The following A2ML1 variants were observed in gnomAD, a reference collection of about 807,000 sequenced individuals.
A2ML1 encodes the protein alpha-2-macroglobulin like 1.
In A2ML1, 161 loss-of-function variants were observed where a neutral mutation model predicts 181.9. The ratio of observed to expected loss-of-function variants is 0.89; its 90% CI spans 0.78 to 1.01. A2ML1 has a LOEUF of 1.01. Among genes scored for constraint, A2ML1 ranks in the 50% least tolerant of loss-of-function variants. The pLI is 0.00. For missense variants in A2ML1, 1,670 were observed against 1,768.1 expected (o/e 0.94, Z 1.00); for synonymous variants, 663 against 666.8 (o/e 0.99, Z 0.09).
Position 8,829,763 on chromosome 12 carries a change from T to C in A2ML1, c.446T>C (p.Val149Ala). ...FRIVTMDSNFVPVNDKYSMVE... is the reference protein window; with the variant it reads ...FRIVTMDSNFAPVNDKYSMVE... The stretch of plus-strand genomic sequence containing the variant: ...ATTGTCACCATGGATAGCAACTTCG[T>C]TCCAGTGAATGACAAGGTGAGTTGG... The change falls in exon 4 of 36, where the codon GTT becomes GCT. Residue 149 changes from valine (V) to alanine (A), a missense_variant. Transcript: ENST00000299698. 6.2e-7 allele frequency: 1 copy of C among 1,613,918 alleles called. No individual in the cohort carries two copies. The highest frequency in any genetic ancestry group is 8.5e-7 in the Non-Finnish European group (1 of 1,179,986).
chr12:8,883,384 AAT>A (rs1404697436), intron 7 of A2ML1, among the ~76,000 whole-genome samples: 1 of 152,214 alleles, frequency 6.6e-6, no homozygotes, highest in Non-Finnish European at 1.5e-5. Context: ...ACCTTCTCAG[AAT>A]CGCTTGCAGT....
chr12:8,863,953 T>C lies in A2ML1; in HGVS notation c.3662T>C (p.Ile1221Thr), dbSNP rs766056517. 2.5e-6 allele frequency: 4 copies of C among 1,613,272 alleles called. No individual in the cohort carries two copies. Among genetic ancestry groups the C allele is most frequent in the Non-Finnish European group, 3.4e-6 (4 of 1,179,702 alleles). ...TQKEIAKATS[I>T]VAWLAKQHNA... is the part of the protein sequence containing the mutation. ...AAGGAGATAGCGAAGGCCACTAGCA[T>C]AGTGGCTTGGTTGGCCAAGCAACAC... The change falls in exon 29 of 36, where the codon ATA becomes ACA. Residue 1221 changes from isoleucine (I) to threonine (T), a missense_variant. By Grantham distance (89) the Ile-to-Thr change is moderately conservative (BLOSUM62 -1). Coordinates refer to ENST00000299698, the MANE Select transcript of A2ML1 (RefSeq NM_144670.6).
chr12:8,854,686 G>A (rs936748264), intron 21 of A2ML1, 94 bp from the exon 22 acceptor site: 2 of 1,366,752 alleles, frequency 1.5e-6, no homozygotes, highest in South Asian at 1.2e-5. Context: ...GAAGCCCTGG[G>A]GGCACAGCGA....
intron 7 of A2ML1, among the ~76,000 whole-genome samples, chr12:8,882,269 C>G (rs149317602): frequency 1.4e-3 from 207 of 152,292 alleles, no homozygotes; most frequent in Middle Eastern, 3.4e-3. Flanking sequence ...AACCCAGGAT[C>G]TCACCAATAT....
At chr12:8,874,578 A>G (rs780450037) in intron 34 of A2ML1, 51 bp downstream of exon 34, 3 of 1,401,332 alleles carry the variant, frequency 2.1e-6, no homozygotes, top group East Asian at 2.3e-5. Context: ...GCATCTCCCA[A>G]CTTACTTCTG....
intron 28 of A2ML1, 30 bp from the exon 29 acceptor site, chr12:8,863,764 G>T (rs754962298): frequency 6.2e-7 from 1 of 1,609,384 alleles, no homozygotes; most frequent in Non-Finnish European, 8.5e-7. Flanking sequence ...TCCTTCTAAG[G>T]ACATCCTAGT....
rs889804273 is a variant in A2ML1 at position 8,838,421 on chromosome 12, T to C, written c.941T>C (p.Ile314Thr). Residue 314 changes from isoleucine (I) to threonine (T), a missense_variant, in exon 9 of 36, where the codon ATT becomes ACT. Ile to Thr is a moderately conservative substitution (Grantham distance 89). Coordinates refer to ENST00000299698, the MANE Select transcript of A2ML1 (RefSeq NM_144670.6). ...IGYAYSHQIN[I>T]VATVVEEGTG... ...TATGCGTACAGCCATCAAATCAATA[T>C]TGTGGCTACTGTTGTGGAGGAAGGG... is the stretch of plus-strand genomic sequence containing the variant. 1.5e-5 allele frequency: 24 copies of C among 1,613,818 alleles called. No individual in the cohort carries two copies. Among genetic ancestry groups the C allele is most frequent in the Non-Finnish European group, 2.0e-5 (24 of 1,179,866 alleles).
intron 30 of A2ML1, 51 bp downstream of exon 30, chr12:8,868,108 A>T: frequency 1.2e-6 from 2 of 1,608,504 alleles, no homozygotes; most frequent in Non-Finnish European, 8.5e-7. Context: ...AGAGTCGGAG[A>T]GCATCTTCCC....
intron 25 of A2ML1, 64 bp from the exon 26 acceptor site, chr12:8,857,882 G>A: frequency 1.3e-6 from 2 of 1,581,816 alleles, no homozygotes; most frequent in Non-Finnish European, 1.7e-6. Flanking sequence ...AATAAATGAA[G>A]AAATGATTGC....
intron 18 of A2ML1, 140 bp downstream of exon 18, chr12:8,850,414 G>A: frequency 2.0e-6 from 1 of 497,122 alleles, no homozygotes; most frequent in Non-Finnish European, 3.4e-6. Context: ...ATGAGCTTCT[G>A]TCTCTACAAA....
chr12:8,839,746 T>G (rs2136790496), intron 10 of A2ML1, among the ~76,000 whole-genome samples: 1 of 152,238 alleles, frequency 6.6e-6, no homozygotes, highest in East Asian at 1.9e-4. Context: ...TTTCTGTTTT[T>G]GTTTTGTTTT....
Position 8,846,218 on chromosome 12 carries a change from A to C in A2ML1, c.1679A>C (p.Asn560Thr), listed in dbSNP as rs751671669. Residue 560 changes from asparagine (N) to threonine (T), a missense_variant, in exon 14 of 36, where the codon AAT (asparagine) becomes ACT (threonine). Physicochemically the swap from Asn to Thr is moderately conservative, Grantham distance 65. Transcript: ENST00000299698. ...TTCTCAGTCGAGATGTGCTTTGACAATCAGGTAAAATGATAGCGGAGAAGG... is the reference window on the plus strand; with the variant it reads ...TTCTCAGTCGAGATGTGCTTTGACACTCAGGTAAAATGATAGCGGAGAAGG... ...IQFSVEMCFD[N>T]QVSLGFSPSQ... The C allele has an allele frequency of 7.4e-6, 12 of 1,614,168 alleles. No homozygotes were observed. Among genetic ancestry groups the C allele is most frequent in the Non-Finnish European group, 1.0e-5 (12 of 1,180,004 alleles).
intron 21 of A2ML1, 121 bp from the exon 22 acceptor site, chr12:8,854,659 T>A (rs1013029405): frequency 9.8e-7 from 1 of 1,016,814 alleles, no homozygotes. Context: ...GAGAAGCTCT[T>A]GTCTGCAGTT....
At chr12:8,838,560 G>C in intron 9 of A2ML1, 110 bp downstream of exon 9, 1 of 715,716 alleles carries the variant, frequency 1.4e-6, no homozygotes, top group Non-Finnish European at 2.2e-6. Flanking sequence ...TGTTTGGATG[G>C]TACCTTGTTC....
chr12:8,866,036 G>A lies in A2ML1; in HGVS notation c.3718-1806G>A, dbSNP rs114260264. 2.3e-3 allele frequency among the ~76,000 whole-genome samples: 352 copies of A among 151,852 alleles called. 2 individuals carry two copies. The highest frequency in any genetic ancestry group is 8.3e-3 in the African/African-American group (344 of 41,368). On this transcript the variant is annotated intron_variant, in intron 29 of 35. Transcript: ENST00000299698. ...AAAAATGTTAAAAGCACCAAGTTTA[G>A]GCCAGGTGTGGTGGCTCACGCCTGT...
At chr12:8,837,172 A>T (rs901262294) in intron 7 of A2ML1, among the ~76,000 whole-genome samples, 1 of 152,150 alleles carries the variant, frequency 6.6e-6, no homozygotes, top group African/African-American at 2.4e-5. Context: ...GGTGTGAGCC[A>T]CCATGCCCAG....
At chr12:8,860,767 T>C (rs1944228048) in intron 26 of A2ML1, 114 bp from the exon 27 acceptor site, 4 of 902,308 alleles carry the variant, frequency 4.4e-6, no homozygotes, top group Non-Finnish European at 5.3e-6. Context: ...TCTTTTCTTT[T>C]TTCTTTTTAA....
chr12:8,839,008 T>G (rs1336709589), intron 9 of A2ML1, 105 bp from the exon 10 acceptor site: 1 of 711,328 alleles, frequency 1.4e-6, no homozygotes, highest in Non-Finnish European at 2.2e-6. Context: ...CAGAAATACA[T>G]TCAACTTCAT....
intron 20 of A2ML1, 26 bp from the exon 21 acceptor site, chr12:8,854,102 A>C (rs1943979581): frequency 3.2e-6 from 5 of 1,555,120 alleles, no homozygotes; most frequent in Non-Finnish European, 4.4e-6. Flanking sequence ...AATAGGGCTA[A>C]TGGCTTCCCT....
Sources: allele counts gnomAD v4.1 joint callset (sites outside exome capture counted in the v4.1 genomes callset), GRCh38; gene constraint gnomAD v4.1.1; transcripts MANE v1.5; gene names NCBI Gene and HGNC (gene_info 2026-07-23, HGNC 2026-07-21).